Variants in CNTNAP2 observed in about 807,000 individuals in gnomAD.
The protein encoded by CNTNAP2 is contactin-associated protein-like 2.
Under a neutral mutation model 155.2 loss-of-function variants are expected in CNTNAP2, and 98 were observed. That is an observed-to-expected ratio of 0.63 (90% CI 0.54 to 0.75). The LOEUF (loss-of-function observed/expected upper bound fraction) is 0.75, where lower values mean the gene tolerates loss of function less well. Ranked by LOEUF, CNTNAP2 falls within the 30% of genes least tolerant of loss-of-function variation. CNTNAP2 has a pLI of 0.00. For missense variants in CNTNAP2, 1,727 were observed against 1,688.1 expected, an observed-to-expected ratio of 1.02 and a Z score of -0.40; for synonymous variants, 651 against 631.2, an observed-to-expected ratio of 1.03 and a Z score of -0.47.
In CNTNAP2 at chr7:147,518,705, C is replaced by T. The variant is rs116006791; in HGVS notation, c.1777+32664C>T. On this transcript the variant is annotated intron_variant, in intron 11 of 23. Coordinates refer to ENST00000361727, the MANE Select transcript of CNTNAP2 (RefSeq NM_014141.6). The stretch of plus-strand genomic sequence containing the variant: ...TGTGCTTTGATTTTGCTATCACGCC[C>T]CTCACTGTCAACCACCCTGAAAAGA... 2.8e-3 allele frequency among the ~76,000 whole-genome samples: 428 copies of T among 152,216 alleles called. 1 individual carries two copies. The highest frequency in any genetic ancestry group is 9.4e-3 in the African/African-American group (390 of 41,546).
At chr7:147,477,601 C>G (rs1798345010) in intron 10 of CNTNAP2, among the ~76,000 whole-genome samples, 1 of 152,140 alleles carries the variant, frequency 6.6e-6, no homozygotes, top group African/African-American at 2.4e-5. Flanking sequence ...ACTTTCAGTG[C>G]TTTCCATGCC....
rs374124177 is a variant in CNTNAP2 at position 146,474,127 on chromosome 7, G to A, written c.98-300144G>A. ...AATGGAGTGTTTGGAGATTCTGAGTGCTAAATCAATATTTCTGCACAATGT... is the reference window on the plus strand; with the variant it reads ...AATGGAGTGTTTGGAGATTCTGAGTACTAAATCAATATTTCTGCACAATGT... On this transcript the variant is annotated intron_variant, in intron 1 of 23. Transcript: ENST00000361727. Among the ~76,000 whole-genome samples the A allele has an allele frequency of 2.6e-4, 40 of 152,134 alleles. No individual in the cohort carries two copies. In the East Asian group the frequency reaches 5.6e-3, roughly 21 times the overall value.
chr7:146,967,526 T>A (rs569028118), intron 3 of CNTNAP2, among the ~76,000 whole-genome samples: 2 of 152,320 alleles, frequency 1.3e-5, no homozygotes, highest in East Asian at 3.9e-4. Flanking sequence ...GTCCTTCACA[T>A]CCCTTGTAAG....
intron 9 of CNTNAP2, among the ~76,000 whole-genome samples, chr7:147,312,079 G>C (rs1261615224): frequency 6.6e-6 from 1 of 151,932 alleles, no homozygotes; most frequent in Non-Finnish European, 1.5e-5. Context: ...TTTAAAATAA[G>C]TTAGTTTTTC....
At chr7:147,271,373 G>A (rs747852396) in intron 8 of CNTNAP2, among the ~76,000 whole-genome samples, 6 of 152,028 alleles carry the variant, frequency 3.9e-5, no homozygotes, top group Admixed American at 6.6e-5. Context: ...GTCTTTATAT[G>A]GAGTGTAAAA....
chr7:146,768,335 A>G (rs1307435211), intron 1 of CNTNAP2, among the ~76,000 whole-genome samples: 2 of 151,520 alleles, frequency 1.3e-5, no homozygotes, highest in Non-Finnish European at 2.9e-5. Context: ...CCCGATGTCC[A>G]TTTCAGGGTC....
chr7:146,990,846 C>T (rs1798196062), intron 3 of CNTNAP2, among the ~76,000 whole-genome samples: 1 of 152,000 alleles, frequency 6.6e-6, no homozygotes, highest in African/African-American at 2.4e-5. Context: ...GAAGTCACCA[C>T]ACAGTTTTAA....
chr7:147,313,907 C>A (rs1445238701), intron 9 of CNTNAP2, among the ~76,000 whole-genome samples: 1 of 150,738 alleles, frequency 6.6e-6, no homozygotes. Context: ...ATGGAATGTT[C>A]TTCCATTTGT....
chr7:147,172,971 A>T (rs563422092), intron 8 of CNTNAP2, among the ~76,000 whole-genome samples: 1 of 152,324 alleles, frequency 6.6e-6, no homozygotes, highest in African/African-American at 2.4e-5. Context: ...AAGAAAGGAA[A>T]GAAGAAAGAA....
chr7:147,957,715 G>T (rs1801042555), intron 14 of CNTNAP2, among the ~76,000 whole-genome samples: 1 of 152,104 alleles, frequency 6.6e-6, no homozygotes, highest in Admixed American at 6.6e-5. Context: ...AAAATGCCAT[G>T]AACATTATGT....
rs568090651 is a variant in CNTNAP2 at position 146,431,155 on chromosome 7, A to G, written c.97+314182A>G. ...TCTGATAGCACCTAGGTCTAGAGAA[A>G]CACAAACTCCAGGTAATACATATAT... is the stretch of plus-strand genomic sequence containing the variant. On this transcript the variant is annotated intron_variant, in intron 1 of 23. Coordinates refer to ENST00000361727, the MANE Select transcript of CNTNAP2 (RefSeq NM_014141.6). Among the ~76,000 whole-genome samples the G allele has an allele frequency of 4.8e-4, 73 of 152,100 alleles. 1 individual carries two copies. Among genetic ancestry groups the G allele is most frequent in the Middle Eastern group, 6.8e-3 (2 of 294 alleles).
chr7:146,506,317 A>G (rs1797384250), intron 1 of CNTNAP2, among the ~76,000 whole-genome samples: 1 of 152,240 alleles, frequency 6.6e-6, no homozygotes, highest in African/African-American at 2.4e-5. Flanking sequence ...AACATTGGGC[A>G]GCTGTCTCTG....
intron 22 of CNTNAP2, among the ~76,000 whole-genome samples, chr7:148,394,781 G>A (rs574785104): frequency 6.6e-6 from 1 of 152,332 alleles, no homozygotes; most frequent in Non-Finnish European, 1.5e-5. Context: ...TGCTGCTGAT[G>A]CAGCGGGTCC....
At chr7:146,681,856 G>A (rs942849471) in intron 1 of CNTNAP2, among the ~76,000 whole-genome samples, 126 of 152,210 alleles carry the variant, frequency 8.3e-4, no homozygotes, top group Admixed American at 4.1e-3. Context: ...AGCTTCTAAT[G>A]CTTTCTACTC....
intron 6 of CNTNAP2, among the ~76,000 whole-genome samples, chr7:147,123,384 A>C (rs1801159939): frequency 6.6e-6 from 1 of 152,202 alleles, no homozygotes; most frequent in Non-Finnish European, 1.5e-5. Flanking sequence ...GGGGTCATAA[A>C]CCCTGTTGAG....
Position 146,750,416 on chromosome 7 carries a change from C to T in CNTNAP2, c.98-23855C>T, listed in dbSNP as rs779609810. Among the ~76,000 whole-genome samples, 14 of 152,202 alleles carry T rather than the reference C, an allele frequency of 9.2e-5. No homozygotes were observed. In the South Asian group the frequency reaches 2.5e-3, roughly 27 times the overall value. ...TTAAAATTTAACTACATGAGTGTGC[C>T]ATTTGTTTTTCCCACCTCCAGGGAA... is the stretch of plus-strand genomic sequence containing the variant. On this transcript the variant is annotated intron_variant, in intron 1 of 23. Coordinates refer to ENST00000361727, the MANE Select transcript of CNTNAP2 (RefSeq NM_014141.6).
At chr7:148,124,636 C>T (rs866308999) in intron 16 of CNTNAP2, among the ~76,000 whole-genome samples, 15 of 152,184 alleles carry the variant, frequency 9.9e-5, no homozygotes, top group Non-Finnish European at 1.9e-4. Flanking sequence ...TCATTGAGAG[C>T]TTTGCAAGTG....
chr7:147,558,846 G>A lies in CNTNAP2; in HGVS notation c.1778-3292G>A, dbSNP rs569965845. Among the ~76,000 whole-genome samples the A allele has an allele frequency of 4.6e-5, 7 of 152,102 alleles. No homozygotes were observed. In the South Asian group the frequency reaches 8.3e-4, roughly 18 times the overall value. On this transcript the variant is annotated intron_variant, in intron 11 of 23. Coordinates refer to ENST00000361727, the MANE Select transcript of CNTNAP2 (RefSeq NM_014141.6). ...CATCCTTCGCCTCCTGGGTTCAAGC[G>A]ATTCTCCTGCCTTAGCCTCCTGAAT...
intron 9 of CNTNAP2, among the ~76,000 whole-genome samples, chr7:147,313,373 T>C (rs998431351): frequency 1.3e-5 from 2 of 150,932 alleles, no homozygotes. Context: ...CTAGGTTTTC[T>C]TCTAGGGTTT....
Sources: allele counts gnomAD v4.1 joint callset (sites outside exome capture counted in the v4.1 genomes callset), GRCh38; gene constraint gnomAD v4.1.1; transcripts MANE v1.5; gene names NCBI Gene and HGNC (gene_info 2026-07-23, HGNC 2026-07-21).